FBXO25: variants seen among roughly 807,000 people sequenced by gnomAD.
FBXO25 encodes the protein F-box protein 25.
In FBXO25, 45 loss-of-function variants were observed where a neutral mutation model predicts 51.9. The observed-to-expected ratio is 0.87, with a 90% CI of 0.68 to 1.11. The LOEUF is 1.11. Among genes scored for constraint, FBXO25 ranks in the 50% most tolerant of loss-of-function variants. The pLI is 0.00. For synonymous variants in FBXO25, 199 were observed against 151.0 expected, an observed-to-expected ratio of 1.32 and a Z score of -2.33; for missense variants, 507 against 428.5, an observed-to-expected ratio of 1.18 and a Z score of -1.62.
chr8:427,873 T>A (rs1797589619), intron 2 of FBXO25, among the ~76,000 whole-genome samples: 3 of 151,782 alleles, frequency 2.0e-5, no homozygotes, highest in Admixed American at 6.6e-5. Context: ...CCTAGACTTG[T>A]GTGGAAATGA....
intron 4 of FBXO25, among the ~76,000 whole-genome samples, chr8:435,199 G>C (rs531952698): frequency 2.0e-5 from 3 of 152,248 alleles, no homozygotes; most frequent in South Asian, 2.1e-4. Context: ...GTTTCAACTA[G>C]ATATTTGTAA....
chr8:425,682 T>C (rs1336259661), intron 2 of FBXO25, among the ~76,000 whole-genome samples: 1 of 151,960 alleles, frequency 6.6e-6, no homozygotes, highest in Non-Finnish European at 1.5e-5. Context: ...TTCTGAGTCC[T>C]ATAAATTCTC....
intron 9 of FBXO25, among the ~76,000 whole-genome samples, chr8:463,395 T>C (rs1020754279): frequency 5.9e-5 from 9 of 152,324 alleles, no homozygotes; most frequent in African/African-American, 1.9e-4. Flanking sequence ...CAGGAGGGCG[T>C]TGCAGGCGGA....
Position 435,642 on chromosome 8 carries a change from G to A in FBXO25, c.316G>A (p.Ala106Thr). 6.2e-7 allele frequency: 1 copy of A among 1,606,164 alleles called. No homozygotes were observed. Among genetic ancestry groups the A allele is most frequent in the South Asian group, 1.1e-5 (1 of 89,050 alleles). The change falls in exon 5 of 10, where the codon GCC becomes ACC. Residue 106 changes from alanine (A) to threonine (T), a missense_variant. Physicochemically the swap from Ala to Thr is moderately conservative, Grantham distance 58. Coordinates refer to ENST00000350302, the MANE Select transcript of FBXO25 (RefSeq NM_183420.2). ...GCATGGCTATTGCACCTTGGGAGAA[G>A]CCTTTAATCGGTTAGACTTCTCAAG... ...ERHGYCTLGEAFNRLDFSSAI... is the reference protein window; with the variant it reads ...ERHGYCTLGETFNRLDFSSAI...
chr8:460,988 A>C (rs556160925), intron 8 of FBXO25, among the ~76,000 whole-genome samples: 3 of 152,368 alleles, frequency 2.0e-5, no homozygotes, highest in Admixed American at 1.3e-4. Flanking sequence ...TCATTGCAGC[A>C]ACAGCCATAA....
At chr8:459,512 C>A (rs993846450) in intron 8 of FBXO25, among the ~76,000 whole-genome samples, 10 of 152,290 alleles carry the variant, frequency 6.6e-5, no homozygotes, top group East Asian at 5.8e-4. Context: ...TTCAGAAGAG[C>A]CTCTGTTCTT....
chr8:468,259 T>C (rs1800319813), intron 9 of FBXO25: 1 of 1,013,534 alleles, frequency 9.9e-7, no homozygotes. Context: ...TCCTGTCCTA[T>C]GCAGGGAGCC....
At chr8:453,259 C>A (rs1347536133) in intron 7 of FBXO25, among the ~76,000 whole-genome samples, 1 of 152,140 alleles carries the variant, frequency 6.6e-6, no homozygotes, top group Non-Finnish European at 1.5e-5. Flanking sequence ...CAAATCTTAC[C>A]ATCAGAGACC....
intron 2 of FBXO25, among the ~76,000 whole-genome samples, chr8:424,234 C>A (rs1209046528): frequency 6.6e-6 from 1 of 150,456 alleles, no homozygotes; most frequent in East Asian, 2.0e-4. Flanking sequence ...TGTTTTTTTG[C>A]ATAAGTTCCC....
At chr8:428,167 T>C (rs1205476320) in intron 2 of FBXO25, among the ~76,000 whole-genome samples, 1 of 152,192 alleles carries the variant, frequency 6.6e-6, no homozygotes, top group Non-Finnish European at 1.5e-5. Flanking sequence ...TTTTCTTGAA[T>C]GGAAAGGAAC....
intron 2 of FBXO25, among the ~76,000 whole-genome samples, chr8:430,378 A>G (rs925086295): frequency 2.0e-5 from 3 of 152,156 alleles, no homozygotes; most frequent in Non-Finnish European, 4.4e-5. Flanking sequence ...GATGATTTAC[A>G]ACTGTTGGCA....
chr8:468,656 A>G (rs1376981979), intron 9 of FBXO25, 59 bp from the exon 10 acceptor site: 5 of 1,360,750 alleles, frequency 3.7e-6, no homozygotes, highest in South Asian at 2.4e-5. Context: ...CTCAAGCACC[A>G]TCACTAGAGT....
intron 5 of FBXO25, among the ~76,000 whole-genome samples, chr8:448,511 G>T (rs1348373877): frequency 6.6e-6 from 1 of 152,206 alleles, no homozygotes; most frequent in Non-Finnish European, 1.5e-5. Flanking sequence ...ACCATCTTTT[G>T]TATCCAGTCT....
intron 7 of FBXO25, among the ~76,000 whole-genome samples, 170 bp from the exon 8 acceptor site, chr8:458,199 T>G (rs916801633): frequency 1.3e-5 from 2 of 152,212 alleles, no homozygotes; most frequent in African/African-American, 4.8e-5. Context: ...TCCTCCAGCC[T>G]TCCCCACGGT....
intron 1 of FBXO25, among the ~76,000 whole-genome samples, chr8:411,228 C>G (rs905335443): frequency 6.6e-6 from 1 of 152,174 alleles, no homozygotes; most frequent in African/African-American, 2.4e-5. Context: ...CTTTCTGTAG[C>G]TAAATTCAAC....
At position 470,805 on chromosome 8, in the gene FBXO25, A is replaced by T. The variant is rs1800460191; in HGVS notation, c.*2001A>T. 1 of 152,186 alleles carries T rather than the reference A, an allele frequency of 6.6e-6. No individual in the cohort carries two copies. The highest frequency in any genetic ancestry group is 6.5e-5 in the Admixed American group (1 of 15,286). 9.4% of individuals were successfully genotyped at this position (152,186 alleles called of 1,614,324 possible). A position where few individuals can be genotyped will look rare whatever the true frequency, so the allele number is the denominator to read the frequency against. On this transcript the variant is annotated 3_prime_UTR_variant, in exon 10 of 10. Transcript: ENST00000350302. Reference sequence around the variant, plus strand: ...ATAAGTGAAGAATTTGATGTATGATAAATTGTGAGCTTGAATATTTCCATA... The same window carrying T: ...ATAAGTGAAGAATTTGATGTATGATTAATTGTGAGCTTGAATATTTCCATA...
At chr8:434,264 A>C (rs536228790) in intron 4 of FBXO25, among the ~76,000 whole-genome samples, 2 of 152,274 alleles carry the variant, frequency 1.3e-5, no homozygotes, top group Admixed American at 6.5e-5. Context: ...CTGTGGTTCT[A>C]GGTCCGCACA....
intron 5 of FBXO25, among the ~76,000 whole-genome samples, chr8:442,850 A>G (rs1798514947): frequency 6.6e-6 from 1 of 152,246 alleles, no homozygotes; most frequent in African/African-American, 2.4e-5. Context: ...AGAAAAAGAT[A>G]TATTTACATG....
intron 5 of FBXO25, 31 bp from the exon 6 acceptor site, chr8:449,959 T>C: frequency 1.4e-6 from 2 of 1,426,262 alleles, no homozygotes; most frequent in Non-Finnish European, 2.0e-6. Flanking sequence ...AATATATATA[T>C]CGCTCAGCTT....
Sources: allele counts gnomAD v4.1 joint callset (sites outside exome capture counted in the v4.1 genomes callset), GRCh38; gene constraint gnomAD v4.1.1; transcripts MANE v1.5; gene names NCBI Gene and HGNC (gene_info 2026-07-23, HGNC 2026-07-21).